Variants in FAM135A observed in about 807,000 individuals in gnomAD.
FAM135A encodes the protein family with sequence similarity 135 member A.
In FAM135A, 79 loss-of-function variants were observed where a neutral mutation model predicts 146.8. The observed-to-expected ratio is 0.54, with a 90% CI of 0.45 to 0.65. FAM135A has a LOEUF of 0.65. Ranked by LOEUF, FAM135A falls within the 30% of genes least tolerant of loss-of-function variation. The probability of loss-of-function intolerance (pLI) is 0.00; values close to 1 mark genes in which losing one functional copy is unlikely to be tolerated. For synonymous variants in FAM135A, 562 were observed against 603.6 expected, an observed-to-expected ratio of 0.93 and a Z score of 1.01; for missense variants, 1,623 against 1,758.2, an observed-to-expected ratio of 0.92 and a Z score of 1.38.
chr6:70,439,285 T>G (rs1295965855), intron 4 of FAM135A, among the ~76,000 whole-genome samples: 1 of 152,232 alleles, frequency 6.6e-6, no homozygotes, highest in Non-Finnish European at 1.5e-5. Context: ...ACTGGTGGTC[T>G]TGGAGTTTAT....
At position 70,431,938 on chromosome 6, in the gene FAM135A, G is replaced by C. The variant is rs183526683; in HGVS notation, c.77+3519G>C. Among the ~76,000 whole-genome samples, 724 of 151,186 alleles carry C rather than the reference G, an allele frequency of 4.8e-3. 8 individuals carry two copies. Among genetic ancestry groups the C allele is most frequent in the African/African-American group, 0.016 (672 of 40,764 alleles). ...ATAAAATTATAAAATATTTTAATGT[G>C]TAATATAAACATAATATCAACATGT... On this transcript the variant is annotated intron_variant, in intron 4 of 21. Coordinates refer to ENST00000418814, the MANE Select transcript of FAM135A (RefSeq NM_001162529.3).
chr6:70,549,139 T>G (rs1431302361), intron 20 of FAM135A, among the ~76,000 whole-genome samples: 2 of 152,112 alleles, frequency 1.3e-5, no homozygotes, highest in Non-Finnish European at 2.9e-5. Flanking sequence ...AATTCCACTT[T>G]TGGAATTTTT....
intron 12 of FAM135A, 40 bp from the exon 13 acceptor site, chr6:70,522,473 A>G: frequency 6.4e-7 from 1 of 1,574,348 alleles, no homozygotes; most frequent in Non-Finnish European, 8.7e-7. Context: ...GACTTTTTAA[A>G]TACGTCATGT....
At chr6:70,530,481 G>T (rs1274091609) in intron 16 of FAM135A, among the ~76,000 whole-genome samples, 1 of 152,062 alleles carries the variant, frequency 6.6e-6, no homozygotes, top group Non-Finnish European at 1.5e-5. Flanking sequence ...TAAAAATTCA[G>T]CAGTTTATAA....
At chr6:70,506,531 G>A (rs1274728780) in intron 12 of FAM135A, among the ~76,000 whole-genome samples, 1 of 152,032 alleles carries the variant, frequency 6.6e-6, no homozygotes. Flanking sequence ...CAGGTGTTGG[G>A]CCAGATTTGG....
At chr6:70,488,887 G>GA (rs1296712189) in intron 10 of FAM135A, among the ~76,000 whole-genome samples, 2 of 151,970 alleles carry the variant, frequency 1.3e-5, no homozygotes, top group East Asian at 1.9e-4. Flanking sequence ...ACTTTAAAAA[G>GA]AAAAAATAAT....
intron 21 of FAM135A, among the ~76,000 whole-genome samples, chr6:70,558,449 T>C (rs1207341694): frequency 2.6e-5 from 4 of 152,264 alleles, no homozygotes; most frequent in African/African-American, 9.6e-5. Flanking sequence ...TATACATTTA[T>C]GTGGATGTAT....
At chr6:70,473,387 C>T (rs1781983192) in intron 5 of FAM135A, among the ~76,000 whole-genome samples, 1 of 152,112 alleles carries the variant, frequency 6.6e-6, no homozygotes, top group Non-Finnish European at 1.5e-5. Context: ...ACATTATATA[C>T]ACCATACACT....
chr6:70,454,675 T>C (rs556279877), intron 5 of FAM135A, among the ~76,000 whole-genome samples: 16 of 152,226 alleles, frequency 1.1e-4, no homozygotes, highest in African/African-American at 3.4e-4. Flanking sequence ...ATCCTTTCCC[T>C]ATTTGTTGTT....
intron 12 of FAM135A, among the ~76,000 whole-genome samples, chr6:70,513,644 A>G (rs1353955608): frequency 6.6e-6 from 1 of 151,872 alleles, no homozygotes; most frequent in African/African-American, 2.4e-5. Flanking sequence ...TTTAAATTTT[A>G]TTTTCCAAAT....
chr6:70,538,409 TATA>T lies in FAM135A; in HGVS notation c.4228+13_4228+15del. The T allele has an allele frequency of 7.0e-7, 1 of 1,419,874 alleles. No homozygotes were observed. The allele number at this position is 1,419,874 out of a possible 1,614,324, so 88.0% of individuals were successfully genotyped here. A position where few individuals can be genotyped will look rare whatever the true frequency, so the allele number is the denominator to read the frequency against. On this transcript the variant is annotated intron_variant, in intron 20 of 21. Coordinates refer to ENST00000418814, the MANE Select transcript of FAM135A (RefSeq NM_001162529.3). The stretch of plus-strand genomic sequence containing the variant: ...AGCTTAGTAACAAAGCAGGTAAGTA[TATA>T]ATAACAGTTTGGAAAATATACATGT...
chr6:70,417,401 A>G (rs1260335502), intron 2 of FAM135A, among the ~76,000 whole-genome samples: 1 of 151,928 alleles, frequency 6.6e-6, no homozygotes, highest in Non-Finnish European at 1.5e-5. Context: ...TTTAGTAGAG[A>G]TGGGGTTTCA....
rs909016219 is a variant in FAM135A, at chr6:70,472,678, T to C, written c.158-2732T>C. ...ATTGTAATTAATTGTTATGTCTCTT[T>C]AGTCTCCTTCATCCTAGAACAGTTC... is the stretch of plus-strand genomic sequence containing the variant. On this transcript the variant is annotated intron_variant, in intron 5 of 21. Transcript: ENST00000418814. Among the ~76,000 whole-genome samples, 18 of 152,336 alleles carry C rather than the reference T, an allele frequency of 1.2e-4. 1 individual carries two copies. The South Asian group carries it at 2.1e-3, about 18-fold the overall frequency.
chr6:70,536,158 T>C, intron 18 of FAM135A, 102 bp from the exon 19 acceptor site: 1 of 1,109,214 alleles, frequency 9.0e-7, no homozygotes, highest in Non-Finnish European at 1.2e-6. Flanking sequence ...ATTAGAAATT[T>C]TCAAATTGTT....
chr6:70,516,634 C>CA (rs201682594), intron 12 of FAM135A, among the ~76,000 whole-genome samples: 1,674 of 143,546 alleles, frequency 0.012, 61 homozygotes, highest in East Asian at 0.086. Flanking sequence ...CTCCTGGGTT[C>CA]ACGCCATTCT....
At chr6:70,520,546 C>G (rs1383138654) in intron 12 of FAM135A, among the ~76,000 whole-genome samples, 1 of 152,034 alleles carries the variant, frequency 6.6e-6, no homozygotes, top group African/African-American at 2.4e-5. Flanking sequence ...ATTTTGAATG[C>G]TTGGCTGTCT....
At chr6:70,471,040 G>A (rs1781524302) in intron 5 of FAM135A, among the ~76,000 whole-genome samples, 1 of 152,144 alleles carries the variant, frequency 6.6e-6, no homozygotes, top group South Asian at 2.1e-4. Flanking sequence ...AATGGATTTG[G>A]AAAATACGGT....
At chr6:70,501,847 A>G (rs1788637896) in intron 11 of FAM135A, among the ~76,000 whole-genome samples, 1 of 152,206 alleles carries the variant, frequency 6.6e-6, no homozygotes, top group South Asian at 2.1e-4. Flanking sequence ...GGAAATGCAG[A>G]AATCACCCAC....
At position 70,524,641 on chromosome 6, in the gene FAM135A, T is replaced by A. The variant is rs1794303209; in HGVS notation, c.1557T>A (p.Val519=). The A allele has an allele frequency of 6.5e-7, 1 of 1,549,674 alleles. No homozygotes were observed. Among genetic ancestry groups the A allele is most frequent in the Non-Finnish European group, 8.7e-7 (1 of 1,146,424 alleles). ...LIKQNSKDSV[V]LVGYKCLKST... is the part of the protein sequence containing the mutation. ...AACAGAACTCTAAGGATTCTGTGGT[T>A]TTGGTAGGCTACAAATGTTTGAAAA... The change falls in exon 15 of 22, where the codon GTT becomes GTA. Residue 519 remains valine (V), a synonymous_variant. Transcript: ENST00000418814.
Sources: gnomAD v4.1 joint callset for allele counts (sites outside exome capture counted in the v4.1 genomes callset) on GRCh38, gnomAD v4.1.1 for gene constraint, MANE v1.5 for transcripts, NCBI Gene and HGNC (gene_info 2026-07-23, HGNC 2026-07-21) for gene names.